CUX1: variants seen among roughly 807,000 people sequenced by gnomAD.
CUX1 encodes protein CASP.
In CUX1, 31 loss-of-function variants were observed where a neutral mutation model predicts 158.8. That is an observed-to-expected ratio of 0.20 (90% confidence interval 0.15 to 0.26). The LOEUF (loss-of-function observed/expected upper bound fraction) is 0.26, where lower values mean the gene tolerates loss of function less well. Ranked by LOEUF, CUX1 falls within the 10% of genes least tolerant of loss-of-function variation. The pLI, the probability that CUX1 is intolerant of heterozygous loss-of-function variation, is 1.00. For missense variants in CUX1, 1,589 were observed against 2,014.6 expected (o/e 0.79, Z 4.04); for synonymous variants, 879 against 862.1 (o/e 1.02, Z -0.34).
intron 1 of CUX1, among the ~76,000 whole-genome samples, chr7:101,836,669 A>C (rs978586200): frequency 2.9e-5 from 4 of 135,722 alleles, no homozygotes; most frequent in Non-Finnish European, 6.1e-5. Flanking sequence ...CTCTGAGAGC[A>C]GCGAGACTCC....
At chr7:102,230,498 TAA>T (rs555147841) in intron 21 of CUX1, among the ~76,000 whole-genome samples, 3 of 128,030 alleles carry the variant, frequency 2.3e-5, no homozygotes, top group Non-Finnish European at 5.1e-5. Context: ...AAAAAAAAAT[TAA>T]AAAAAAAAAA....
intron 2 of CUX1, among the ~76,000 whole-genome samples, chr7:101,986,215 G>T (rs539339633): frequency 2.4e-4 from 37 of 152,324 alleles, no homozygotes; most frequent in African/African-American, 8.9e-4. Context: ...TGGTAACGAG[G>T]CACTGGGGTC....
chr7:102,200,963 G>A (rs140354595), intron 17 of CUX1, among the ~76,000 whole-genome samples: 1 of 146,422 alleles, frequency 6.8e-6, no homozygotes, highest in African/African-American at 2.5e-5. Context: ...GTGGAGGGTG[G>A]GTACAGTGAG....
rs528588298 is a variant in CUX1 at position 102,246,209 on chromosome 7, C to T, written c.3888-2203C>T. On this transcript the variant is annotated intron_variant, in intron 23 of 23. Transcript: ENST00000292535. ...CCAGAATAGGTGGGGTGGAGAGTTT[C>T]ACCCCAACTAGCAGTCTCACTGCCA... Among the ~76,000 whole-genome samples, 15 of 152,162 alleles carry T rather than the reference C, an allele frequency of 9.9e-5. No homozygotes were observed. The East Asian group carries it at 2.7e-3, about 28-fold the overall frequency.
intron 2 of CUX1, among the ~76,000 whole-genome samples, chr7:101,920,865 G>GT (rs113648390): frequency 3.8e-4 from 58 of 151,838 alleles, no homozygotes; most frequent in East Asian, 3.9e-4. Context: ...CTATATTTTT[G>GT]TTTTTTTTGG....
chr7:102,050,756 G>A (rs1252942820), intron 3 of CUX1, among the ~76,000 whole-genome samples: 1 of 151,702 alleles, frequency 6.6e-6, no homozygotes, highest in Non-Finnish European at 1.5e-5. Context: ...AGGCTGGAGT[G>A]CATTTGTGTG....
At chr7:102,075,908 GGTGTCTGGGAT>G (rs1218526831) in intron 4 of CUX1, among the ~76,000 whole-genome samples, 1 of 152,116 alleles carries the variant, frequency 6.6e-6, no homozygotes, top group Non-Finnish European at 1.5e-5. Flanking sequence ...GCCGGCCCTT[GGTGTCTGGGAT>G]CTGTGTTTGG....
intron 3 of CUX1, among the ~76,000 whole-genome samples, chr7:102,032,392 T>A (rs1315901618): frequency 6.6e-6 from 1 of 151,494 alleles, no homozygotes; most frequent in Non-Finnish European, 1.5e-5. Context: ...TGAGACCCCG[T>A]CTCAGTCTCA....
downstream of CUX1, among the ~76,000 whole-genome samples, chr7:102,259,559 G>C (rs957111582): frequency 6.6e-6 from 1 of 152,154 alleles, no homozygotes; most frequent in Admixed American, 6.5e-5. Context: ...CTGCACTCCG[G>C]CCTGGGCGAT....
intron 11 of CUX1, among the ~76,000 whole-genome samples, chr7:102,180,896 T>TTTTTATTTTA (rs781956443): frequency 3.5e-4 from 50 of 142,624 alleles, no homozygotes; most frequent in African/African-American, 8.8e-4. Flanking sequence ...TTTTTTTAAA[T>TTTTTATTTTA]TTTTATTTTA....
chr7:102,237,666 G>A (rs943543984), intron 22 of CUX1, among the ~76,000 whole-genome samples: 5 of 152,260 alleles, frequency 3.3e-5, no homozygotes, highest in Non-Finnish European at 7.4e-5. Flanking sequence ...CAGCCCCACA[G>A]GGTCTGTGGG....
chr7:102,228,323 A>C (rs1798569015), intron 21 of CUX1, among the ~76,000 whole-genome samples: 1 of 152,108 alleles, frequency 6.6e-6, no homozygotes, highest in South Asian at 2.1e-4. Flanking sequence ...CCACAGTCTG[A>C]GACCAGCCTG....
intron 2 of CUX1, among the ~76,000 whole-genome samples, chr7:101,983,399 G>A (rs1027061545): frequency 3.3e-5 from 5 of 152,032 alleles, no homozygotes; most frequent in East Asian, 3.9e-4. Context: ...TTCCTCCCTC[G>A]GTGGCATGAG....
chr7:102,085,397 A>G (rs1467333044), intron 4 of CUX1, among the ~76,000 whole-genome samples: 1 of 152,140 alleles, frequency 6.6e-6, no homozygotes, highest in East Asian at 1.9e-4. Flanking sequence ...TAAAACCCAC[A>G]TGTCGTGGGA....
At chr7:102,019,053 G>A (rs1372809831) in intron 2 of CUX1, among the ~76,000 whole-genome samples, 4 of 152,114 alleles carry the variant, frequency 2.6e-5, no homozygotes, top group Admixed American at 1.3e-4. Flanking sequence ...ATCCTGAGCC[G>A]TGGCCACGTG....
chr7:102,163,857 TC>T (rs35291471), intron 9 of CUX1, among the ~76,000 whole-genome samples: 4 of 152,204 alleles, frequency 2.6e-5, no homozygotes, highest in Admixed American at 6.5e-5. Context: ...ACATTCGTTT[TC>T]CCTGGGTGTG....
intron 2 of CUX1, among the ~76,000 whole-genome samples, chr7:101,937,316 A>G (rs1368405753): frequency 6.6e-6 from 1 of 152,190 alleles, no homozygotes; most frequent in East Asian, 1.9e-4. Context: ...CCTAAAAGCC[A>G]TCTCCAGGTC....
intron 2 of CUX1, among the ~76,000 whole-genome samples, chr7:101,957,124 A>G (rs1391976916): frequency 6.6e-6 from 1 of 152,234 alleles, no homozygotes; most frequent in African/African-American, 2.4e-5. Flanking sequence ...TTGTTTCCCA[A>G]GAATATTTAC....
intron 10 of CUX1, among the ~76,000 whole-genome samples, chr7:102,175,688 C>G (rs972672013): frequency 2.0e-5 from 3 of 152,218 alleles, no homozygotes; most frequent in African/African-American, 7.2e-5. Context: ...CCATTCCCCC[C>G]TCCTGTGGCT....
Sources: allele counts gnomAD v4.1 joint callset (sites outside exome capture counted in the v4.1 genomes callset), GRCh38; gene constraint gnomAD v4.1.1; transcripts MANE v1.5; gene names NCBI Gene and HGNC (gene_info 2026-07-23, HGNC 2026-07-21).